Variants in ASIC2 observed in about 807,000 individuals in gnomAD.
The protein encoded by ASIC2 is acid sensing ion channel subunit 2, also known as acid-sensing ion channel 2.
Under a neutral mutation model 57.3 loss-of-function variants are expected in ASIC2, and 25 were observed. The ratio of observed to expected loss-of-function variants is 0.44; its 90% CI spans 0.32 to 0.61. The LOEUF (loss-of-function observed/expected upper bound fraction) is 0.61, where lower values mean the gene tolerates loss of function less well. Ranked by LOEUF, ASIC2 falls within the 20% of genes least tolerant of loss-of-function variation. The pLI, the probability that ASIC2 is intolerant of heterozygous loss-of-function variation, is 0.06. For synonymous variants in ASIC2, 319 were observed against 307.5 expected, an observed-to-expected ratio of 1.04 and a Z score of -0.39; for missense variants, 641 against 738.1, an observed-to-expected ratio of 0.87 and a Z score of 1.52.
At chr17:34,114,082 T>C (rs1911359371) in intron 1 of ASIC2, among the ~76,000 whole-genome samples, 1 of 152,134 alleles carries the variant, frequency 6.6e-6, no homozygotes, top group South Asian at 2.1e-4. Context: ...AAGGTGGAAT[T>C]TCTCATTTGG....
At chr17:33,758,952 G>T (rs748815842) in intron 1 of ASIC2, among the ~76,000 whole-genome samples, 14 of 151,546 alleles carry the variant, frequency 9.2e-5, no homozygotes, top group Admixed American at 2.0e-4. Flanking sequence ...GAGAAGTGGG[G>T]TGTTGCTGAT....
chr17:33,742,111 C>T (rs749495623), intron 1 of ASIC2, among the ~76,000 whole-genome samples: 15 of 152,200 alleles, frequency 9.9e-5, no homozygotes, highest in Non-Finnish European at 1.9e-4. Flanking sequence ...GATGTGAAGG[C>T]CAGTTTCTGG....
At chr17:33,231,318 C>T (rs1220323710) in intron 1 of ASIC2, among the ~76,000 whole-genome samples, 1 of 152,132 alleles carries the variant, frequency 6.6e-6, no homozygotes, top group African/African-American at 2.4e-5. Context: ...GAGTTGGCAC[C>T]CCTTGGAGAG....
At chr17:34,038,518 A>C in intron 1 of ASIC2, 1 of 1,611,678 alleles carries the variant, frequency 6.2e-7, no homozygotes, top group Non-Finnish European at 8.5e-7. Flanking sequence ...TGTAAACTTC[A>C]CTGAAACCTC....
At position 33,933,196 on chromosome 17, in the gene ASIC2, G is replaced by A. The variant is rs189172082; in HGVS notation, c.555+222782C>T. Among the ~76,000 whole-genome samples the A allele has an allele frequency of 2.1e-3, 325 of 152,302 alleles. 3 individuals carry two copies. The highest frequency in any genetic ancestry group is 7.6e-3 in the African/African-American group (314 of 41,548). On this transcript the variant is annotated intron_variant, in intron 1 of 9. Coordinates refer to the ASIC2 transcript ENST00000359872. Reference sequence around the variant, plus strand: ...TGCCTAAAACACTCTCCCCTGGACAGTTGCATGCTTAGAAAGTCACCTCCT... The same window carrying A: ...TGCCTAAAACACTCTCCCCTGGACAATTGCATGCTTAGAAAGTCACCTCCT...
At chr17:33,780,578 T>C (rs1209051743) in intron 1 of ASIC2, among the ~76,000 whole-genome samples, 2 of 152,210 alleles carry the variant, frequency 1.3e-5, no homozygotes, top group Non-Finnish European at 1.5e-5. Flanking sequence ...CCCTATCCAG[T>C]CAATTTCTTG....
intron 1 of ASIC2, among the ~76,000 whole-genome samples, chr17:33,510,308 A>G (rs1914392413): frequency 6.6e-6 from 1 of 152,224 alleles, no homozygotes; most frequent in Non-Finnish European, 1.5e-5. Context: ...CCCAACATTT[A>G]AAAATCAGAA....
At chr17:33,120,420 G>C (rs2092297522) in intron 1 of ASIC2, among the ~76,000 whole-genome samples, 1 of 152,206 alleles carries the variant, frequency 6.6e-6, no homozygotes, top group Non-Finnish European at 1.5e-5. Flanking sequence ...CAACACGAAG[G>C]GGAACAACAG....
intron 1 of ASIC2, among the ~76,000 whole-genome samples, chr17:33,259,269 C>T (rs1909193630): frequency 6.6e-6 from 1 of 152,176 alleles, no homozygotes. Flanking sequence ...ATATATTAGG[C>T]CTCCATCGCT....
At chr17:33,781,773 G>A (rs1911460958) in intron 1 of ASIC2, among the ~76,000 whole-genome samples, 1 of 152,078 alleles carries the variant, frequency 6.6e-6, no homozygotes, top group African/African-American at 2.4e-5. Flanking sequence ...CTCCCACATA[G>A]GAGCAAGGGG....
At chr17:33,620,941 G>A (rs1406920573) in intron 1 of ASIC2, among the ~76,000 whole-genome samples, 2 of 150,090 alleles carry the variant, frequency 1.3e-5, no homozygotes, top group South Asian at 2.1e-4. Context: ...TCATGGACCC[G>A]CTGGCCGTCC....
chr17:33,367,414 A>G (rs1908854857), intron 1 of ASIC2, among the ~76,000 whole-genome samples: 1 of 152,190 alleles, frequency 6.6e-6, no homozygotes, highest in African/African-American at 2.4e-5. Flanking sequence ...TCCTAATTTG[A>G]TCTTTCCACT....
In ASIC2 at chr17:33,132,044, G is replaced by A. The variant is rs182456749; in HGVS notation, c.709-19977C>T. Among the ~76,000 whole-genome samples the A allele has an allele frequency of 3.5e-3, 533 of 152,290 alleles. 1 individual carries two copies. Among genetic ancestry groups the A allele is most frequent in the South Asian group, 0.027 (129 of 4,826 alleles). ...ATTTAAAATGGGTTCCCTTTATGGA[G>A]AGCTGGCCTGGATGCTGGGCACCAT... On this transcript the variant is annotated intron_variant, in intron 1 of 9. Coordinates refer to ENST00000225823, the MANE Select transcript of ASIC2 (RefSeq NM_183377.2).
chr17:33,804,593 C>G (rs1354086965), intron 1 of ASIC2, among the ~76,000 whole-genome samples: 2 of 152,168 alleles, frequency 1.3e-5, no homozygotes, highest in Non-Finnish European at 2.9e-5. Context: ...TTTAGTGTGC[C>G]CATCATTCTA....
intron 1 of ASIC2, among the ~76,000 whole-genome samples, chr17:33,830,633 G>A (rs10468577): frequency 0.81 from 123,034 of 151,760 alleles, 50,227 homozygotes; most frequent in African/African-American, 0.85. Context: ...GGCCACGGTG[G>A]TTTCCTGCAC....
At chr17:33,407,844 C>T (rs1910521366) in intron 1 of ASIC2, among the ~76,000 whole-genome samples, 1 of 152,208 alleles carries the variant, frequency 6.6e-6, no homozygotes, top group East Asian at 1.9e-4. Context: ...AGTCTCTAGC[C>T]AGGTCAACTT....
chr17:33,880,723 C>T (rs375646344), intron 1 of ASIC2, among the ~76,000 whole-genome samples: 1 of 152,112 alleles, frequency 6.6e-6, no homozygotes, highest in African/African-American at 2.4e-5. Flanking sequence ...CTATTCTGAT[C>T]AATAGAAAAA....
chr17:33,742,525 G>C (rs1910142216), intron 1 of ASIC2, among the ~76,000 whole-genome samples: 1 of 152,160 alleles, frequency 6.6e-6, no homozygotes, highest in South Asian at 2.1e-4. Context: ...ACTTAACTTA[G>C]TGTCTTCTAT....
chr17:33,704,330 C>T (rs764751831), intron 1 of ASIC2, among the ~76,000 whole-genome samples: 5 of 152,132 alleles, frequency 3.3e-5, no homozygotes, highest in Admixed American at 6.5e-5. Flanking sequence ...AGCTACTGCA[C>T]GTGTGCACTC....
Sources: gnomAD v4.1 joint callset for allele counts (sites outside exome capture counted in the v4.1 genomes callset) on GRCh38, gnomAD v4.1.1 for gene constraint, MANE v1.5 for transcripts, NCBI Gene and HGNC (gene_info 2026-07-23, HGNC 2026-07-21) for gene names.